Variants in CHRNA2 observed in about 807,000 individuals in gnomAD.
The protein encoded by CHRNA2 is cholinergic receptor nicotinic alpha 2 subunit.
CHRNA2 carries 40 observed loss-of-function variants against 45.5 expected under a neutral mutation model. That is an observed-to-expected ratio of 0.88 (90% CI 0.68 to 1.15). CHRNA2 has a LOEUF of 1.15. Ranked by LOEUF, CHRNA2 falls within the 50% of genes most tolerant of loss-of-function variation. The pLI is 0.00. For synonymous variants in CHRNA2, 301 were observed against 296.7 expected, an observed-to-expected ratio of 1.01 and a Z score of -0.15; for missense variants, 655 against 701.7, an observed-to-expected ratio of 0.93 and a Z score of 0.75.
Position 27,463,144 on chromosome 8 carries a change from C to T in CHRNA2, c.1299G>A (p.Val433=), listed in dbSNP as rs1292890550. 6.2e-6 allele frequency: 10 copies of T among 1,603,752 alleles called. No individual in the cohort carries two copies. Among genetic ancestry groups the T allele is most frequent in the Non-Finnish European group, 7.7e-6 (9 of 1,171,984 alleles). Residue 433 remains valine, a synonymous_variant, in exon 6 of 7, where the codon GTG becomes GTA. Transcript: ENST00000407991. The surrounding 1 kb of genome is among the most constrained non-coding windows in gnomAD (Gnocchi z 6.1). ...GGTGGCCGTGGCTGCAGAGGGTGCC[C>T]ACAGAGGGGGCCACATGACCTGCAC... ...WACAGHVAPS[V]GTLCSHGHLH... is the part of the protein sequence containing the mutation.
intron 1 of CHRNA2, among the ~76,000 whole-genome samples, chr8:27,475,026 C>T (rs1020636976): frequency 2.0e-5 from 3 of 152,244 alleles, no homozygotes; most frequent in African/African-American, 7.2e-5. Flanking sequence ...AATAGATCAC[C>T]TGTGTTATCT....
rs1812727752 is a variant in CHRNA2, at chr8:27,467,302, C to A, written c.376G>T (p.Asp126Tyr). The part of the protein sequence containing the change: ...SDYKLRWNPT[D>Y]FGNITSLRVP... Reference sequence around the variant, plus strand: ...CTGAGAGATGTGATGTTGCCAAAATCAGTGGGGTTCCAGCGCAGTTTGTAG... The same window carrying A: ...CTGAGAGATGTGATGTTGCCAAAATAAGTGGGGTTCCAGCGCAGTTTGTAG... The change falls in exon 5 of 7, where the codon GAT (aspartate) becomes TAT (tyrosine). Residue 126 changes from aspartate (D) to tyrosine (Y), a missense_variant. Transcript: ENST00000407991. 6.2e-7 allele frequency: 1 copy of A among 1,614,048 alleles called. No individual in the cohort carries two copies. Among genetic ancestry groups the A allele is most frequent in the Non-Finnish European group, 8.5e-7 (1 of 1,179,890 alleles).
Position 27,463,422 on chromosome 8 carries a change from G to C in CHRNA2, c.1021C>G (p.Leu341Val), listed in dbSNP as rs750301958. Residue 341 changes from leucine to valine, a missense_variant, in exon 6 of 7, where the codon CTG becomes GTG. By Grantham distance (32) the Leu-to-Val change is conservative. This residue lies in a region of CHRNA2 where 295 missense variants were observed against 280.4 expected (regional missense o/e 1.05). Coordinates refer to ENST00000407991, the MANE Select transcript of CHRNA2 (RefSeq NM_000742.4). This position sits in a 1 kb window ranked among gnomAD's most constrained non-coding sequence, Gnocchi z 6.1. ...ACGAAGACGGTGATGACGATGGACA[G>C]GGTGACGAAGATCATGGTGAACAGC... ...YLLFTMIFVT[L>V]SIVITVFVLN... The C allele has an allele frequency of 1.2e-5, 19 of 1,614,204 alleles. No individual in the cohort carries two copies. The highest frequency in any genetic ancestry group is 1.5e-5 in the Non-Finnish European group (18 of 1,180,046).
chr8:27,468,201 C>T (rs1193387261), intron 4 of CHRNA2, among the ~76,000 whole-genome samples: 2 of 152,220 alleles, frequency 1.3e-5, no homozygotes, highest in Non-Finnish European at 2.9e-5. Context: ...AGTACTCCTT[C>T]CTTGCCCTGC....
chr8:27,465,119 A>C (rs1450621267), intron 5 of CHRNA2, among the ~76,000 whole-genome samples: 3 of 152,132 alleles, frequency 2.0e-5, no homozygotes, highest in Admixed American at 6.5e-5. Context: ...AATCAGGGGT[A>C]TCGTGGGACT....
In CHRNA2 at chr8:27,461,447, G is replaced by T. The variant is rs368039286; in HGVS notation, c.*182C>A. The T allele has an allele frequency of 1.2e-6, 1 of 831,624 alleles. No homozygotes were observed. The allele number at this position is 831,624 out of a possible 1,614,324, so 51.5% of individuals were successfully genotyped here. ...CCAAAACAGGGCTTTGCACCCAGCAGGCTGTCAGCCCTGGTACAATAACGT... is the reference window on the plus strand; with the variant it reads ...CCAAAACAGGGCTTTGCACCCAGCATGCTGTCAGCCCTGGTACAATAACGT... On this transcript the variant is annotated 3_prime_UTR_variant, in exon 7 of 7. Transcript: ENST00000407991.
intron 1 of CHRNA2, among the ~76,000 whole-genome samples, chr8:27,477,957 C>A (rs1263862632): frequency 6.6e-6 from 1 of 152,156 alleles, no homozygotes; most frequent in African/African-American, 2.4e-5. Flanking sequence ...CTCTAGCCTG[C>A]CTGAATCCTG....
chr8:27,465,228 G>T (rs758126653), intron 5 of CHRNA2, among the ~76,000 whole-genome samples: 1 of 152,142 alleles, frequency 6.6e-6, no homozygotes, highest in African/African-American at 2.4e-5. Context: ...TCCACCAGGA[G>T]GTGGCTCGGT....
intron 5 of CHRNA2, 80 bp from the exon 6 acceptor site, chr8:27,464,073 G>A (rs1812621683): frequency 6.5e-7 from 1 of 1,542,474 alleles, no homozygotes; most frequent in Non-Finnish European, 8.9e-7. Flanking sequence ...TGGCAGCAGG[G>A]GAACCCGAAG....
intron 1 of CHRNA2, among the ~76,000 whole-genome samples, chr8:27,475,018 T>C (rs1813018598): frequency 6.6e-6 from 1 of 152,262 alleles, no homozygotes. Context: ...TGCATACAAA[T>C]AGATCACCTG....
rs796052307 is a variant in CHRNA2, at chr8:27,469,934, G to A, written c.121C>T (p.Leu41Phe). 5 of 1,614,110 alleles carry A rather than the reference G, an allele frequency of 3.1e-6. No homozygotes were observed. Among genetic ancestry groups the A allele is most frequent in the Admixed American group, 1.7e-5 (1 of 60,030 alleles). ...AATGCCGTGGGACTGGGAGAGGAGAGTGGGTCTCCAGGAGCCCTGGGAGGT... is the reference window on the plus strand; with the variant it reads ...AATGCCGTGGGACTGGGAGAGGAGAATGGGTCTCCAGGAGCCCTGGGAGGT... ...RPPPRAPGDP[L>F]SSPSPTALPQ... The change falls in exon 3 of 7, where the codon CTC becomes TTC. Residue 41 changes from leucine to phenylalanine, a missense_variant. Leu to Phe is a conservative substitution (Grantham distance 22, BLOSUM62 0). Transcript: ENST00000407991.
At chr8:27,473,646 TG>T (rs1812970227) in intron 1 of CHRNA2, among the ~76,000 whole-genome samples, 1 of 151,828 alleles carries the variant, frequency 6.6e-6, no homozygotes, top group African/African-American at 2.4e-5. Flanking sequence ...AAGTCAAGGC[TG>T]CAATGGGCTA....
chr8:27,463,852 G>T lies in CHRNA2; in HGVS notation c.591C>A (p.Cys197Ter). ...VTFFPFDQQN[C>*]KMKFGSWTYD... ...AAGTCCAGGAGCCAAACTTCATCTT[G>T]CAGTTCTGCTGGTCGAAGGGGAAGA... Residue 197 changes from cysteine to a stop codon, truncating the protein, a stop_gained, in exon 6 of 7, where the codon TGC (cysteine) becomes TGA (stop). Coordinates refer to ENST00000407991, the MANE Select transcript of CHRNA2 (RefSeq NM_000742.4). LOFTEE classifies it high-confidence loss of function. The surrounding 1 kb of genome is among the most constrained non-coding windows in gnomAD (Gnocchi z 6.1). The T allele has an allele frequency of 6.2e-7, 1 of 1,614,186 alleles. No homozygotes were observed. The highest frequency in any genetic ancestry group is 8.5e-7 in the Non-Finnish European group (1 of 1,180,042).
chr8:27,473,988 G>A (rs1033664014), intron 1 of CHRNA2, among the ~76,000 whole-genome samples: 2 of 152,190 alleles, frequency 1.3e-5, no homozygotes, highest in African/African-American at 4.8e-5. Flanking sequence ...TCTGTGAAAG[G>A]TCACTCAATC....
chr8:27,462,353 T>C lies in CHRNA2; in HGVS notation c.1465-599A>G, dbSNP rs1451098794. Among the ~76,000 whole-genome samples the C allele has an allele frequency of 3.3e-5, 5 of 152,172 alleles. No homozygotes were observed. In the East Asian group the frequency reaches 9.6e-4, roughly 29 times the overall value. On this transcript the variant is annotated intron_variant, in intron 6 of 6. Coordinates refer to ENST00000407991, the MANE Select transcript of CHRNA2 (RefSeq NM_000742.4). ...GTAATAACCTCCCGGCCTTTCATCCTTCCCTAGGCTTAGTAGAATTTTGTG... is the reference window on the plus strand; with the variant it reads ...GTAATAACCTCCCGGCCTTTCATCCCTCCCTAGGCTTAGTAGAATTTTGTG...
At chr8:27,476,386 A>G (rs190364834) in intron 1 of CHRNA2, among the ~76,000 whole-genome samples, 1 of 152,144 alleles carries the variant, frequency 6.6e-6, no homozygotes, top group East Asian at 1.9e-4. Flanking sequence ...GCTTTTTACA[A>G]CTCTCCACAT....
Position 27,461,538 on chromosome 8 carries a change from T to A in CHRNA2, c.*91A>T. The A allele has an allele frequency of 6.3e-7, 1 of 1,584,642 alleles. No homozygotes were observed. Among genetic ancestry groups the A allele is most frequent in the Non-Finnish European group, 8.6e-7 (1 of 1,156,826 alleles). Reference sequence around the variant, plus strand: ...GACTCCGCGGAGAGGCACCTGCTCATCCCAAAGGGGACACCAGAGGCAGCT... The same window carrying A: ...GACTCCGCGGAGAGGCACCTGCTCAACCCAAAGGGGACACCAGAGGCAGCT... On this transcript the variant is annotated 3_prime_UTR_variant, in exon 7 of 7. Coordinates refer to ENST00000407991, the MANE Select transcript of CHRNA2 (RefSeq NM_000742.4).
rs749942986 is a variant in CHRNA2 at position 27,462,969 on chromosome 8, C to A, written c.1464+10G>T. On this transcript the variant is annotated intron_variant, in intron 6 of 6. Transcript: ENST00000407991. The stretch of plus-strand genomic sequence containing the variant: ...CACCCAGGCTGGCGCCTCTCCCAAC[C>A]CCAACGCACCGAAGAGTCAGCATCC... The A allele has an allele frequency of 5.6e-6, 9 of 1,613,906 alleles. No homozygotes were observed. Among genetic ancestry groups the A allele is most frequent in the Non-Finnish European group, 5.9e-6 (7 of 1,180,046 alleles).
intron 1 of CHRNA2, among the ~76,000 whole-genome samples, chr8:27,471,980 T>C (rs951282571): frequency 2.0e-5 from 3 of 152,116 alleles, no homozygotes; most frequent in African/African-American, 7.2e-5. Context: ...GTTAAGTTGA[T>C]CGCCAATGGC....
Sources: allele counts gnomAD v4.1 joint callset (sites outside exome capture counted in the v4.1 genomes callset), GRCh38; gene constraint gnomAD v4.1.1; regional missense constraint gnomAD v4.1.1; non-coding constraint Gnocchi (gnomAD v3.1); transcripts MANE v1.5; gene names NCBI Gene and HGNC (gene_info 2026-07-23, HGNC 2026-07-21).